NFIC: variants seen among roughly 807,000 people sequenced by gnomAD.
The protein encoded by NFIC is nuclear factor 1 C-type.
A neutral mutation model predicts 54.4 loss-of-function variants in NFIC; 12 were observed. That is an observed-to-expected ratio of 0.22 (90% CI 0.14 to 0.36). The LOEUF (loss-of-function observed/expected upper bound fraction) is 0.36, where lower values mean the gene tolerates loss of function less well. Among genes scored for constraint, NFIC ranks in the 10% least tolerant of loss-of-function variants. NFIC has a pLI of 1.00. For synonymous variants in NFIC, 322 were observed against 319.2 expected, an observed-to-expected ratio of 1.01 and a Z score of -0.09; for missense variants, 575 against 718.2, an observed-to-expected ratio of 0.80 and a Z score of 2.28.
At chr19:3,393,070 A>G (rs1040199276) in intron 2 of NFIC, among the ~76,000 whole-genome samples, 4 of 152,056 alleles carry the variant, frequency 2.6e-5, no homozygotes, top group East Asian at 1.9e-4. Context: ...CCTCCCGAGT[A>G]GCTGGGATTA....
At chr19:3,404,479 C>T (rs796631797) in intron 2 of NFIC, among the ~76,000 whole-genome samples, 19 of 152,272 alleles carry the variant, frequency 1.2e-4, no homozygotes, top group African/African-American at 4.6e-4. Context: ...CAAGGCCGCC[C>T]TGCTGTTGGC....
At chr19:3,445,181 A>G (rs888822834) in intron 6 of NFIC, among the ~76,000 whole-genome samples, 6 of 151,762 alleles carry the variant, frequency 4.0e-5, no homozygotes, top group Admixed American at 3.9e-4. Context: ...ACATGCACGC[A>G]CACACATGCA....
At chr19:3,393,177 G>A (rs903013485) in intron 2 of NFIC, among the ~76,000 whole-genome samples, 2 of 151,944 alleles carry the variant, frequency 1.3e-5, no homozygotes, top group East Asian at 3.9e-4. Context: ...CACCCACCTC[G>A]GCCTCCCGAA....
chr19:3,445,784 G>A (rs1010886615), intron 6 of NFIC, among the ~76,000 whole-genome samples: 4 of 152,162 alleles, frequency 2.6e-5, no homozygotes, highest in African/African-American at 9.7e-5. Context: ...GGAGGATGGA[G>A]GAGGTGGGGA....
chr19:3,360,749 G>T (rs1388238083), intron 1 of NFIC, among the ~76,000 whole-genome samples: 1 of 152,254 alleles, frequency 6.6e-6, no homozygotes, highest in African/African-American at 2.4e-5. Context: ...GTCCCTGCGG[G>T]ACGGTGTTGT....
intron 2 of NFIC, among the ~76,000 whole-genome samples, chr19:3,392,364 AC>A (rs1458992457): frequency 1.3e-5 from 2 of 151,988 alleles, no homozygotes; most frequent in Non-Finnish European, 2.9e-5. Flanking sequence ...GAGCCACCGC[AC>A]CCGGCCTAAA....
intron 3 of NFIC, among the ~76,000 whole-genome samples, chr19:3,430,363 T>C (rs550584676): frequency 6.6e-6 from 1 of 151,838 alleles, no homozygotes; most frequent in Admixed American, 6.6e-5. Flanking sequence ...GCTGGGATCA[T>C]AGGCACATGC....
chr19:3,415,416 C>G (rs1325385376), intron 2 of NFIC, among the ~76,000 whole-genome samples: 2 of 152,034 alleles, frequency 1.3e-5, no homozygotes, highest in Admixed American at 6.6e-5. Flanking sequence ...CTCTACTGCG[C>G]CCGGCCAAGT....
At chr19:3,372,211 G>A (rs912476550) in intron 1 of NFIC, among the ~76,000 whole-genome samples, 17 of 151,966 alleles carry the variant, frequency 1.1e-4, no homozygotes, top group Admixed American at 1.3e-4. Context: ...AGTAGAGACG[G>A]GGTTTCACCA....
chr19:3,367,742 G>T (rs2080922909), intron 1 of NFIC, among the ~76,000 whole-genome samples: 1 of 152,226 alleles, frequency 6.6e-6, no homozygotes, highest in South Asian at 2.1e-4. Flanking sequence ...GCTAAGGCCG[G>T]TTCTGGAGAG....
chr19:3,452,019 A>C lies in NFIC; in HGVS notation c.1085-463A>C, dbSNP rs1164045849. On this transcript the variant is annotated intron_variant, in intron 7 of 10. Transcript: ENST00000443272. This position sits in a 1 kb window ranked among gnomAD's most constrained non-coding sequence, Gnocchi z 5.3. ...GTAATCCCAGCTACTCGGGAGGCTG[A>C]GGCAGAATTGCTTGAACCCAGGAGG... is the stretch of plus-strand genomic sequence containing the variant. 6.8e-6 allele frequency among the ~76,000 whole-genome samples: 1 copy of C among 147,734 alleles called. No individual in the cohort carries two copies. The highest frequency in any genetic ancestry group is 2.5e-5 in the African/African-American group (1 of 39,940).
intron 1 of NFIC, among the ~76,000 whole-genome samples, chr19:3,378,972 C>T (rs147091587): frequency 2.8e-4 from 43 of 152,272 alleles, no homozygotes; most frequent in Non-Finnish European, 5.6e-4. Flanking sequence ...AACCTCCAGG[C>T]GGGCCTAGTG....
In NFIC at chr19:3,452,763, G is replaced by A; in HGVS notation, c.1269+97G>A. On this transcript the variant is annotated intron_variant, in intron 8 of 10. Coordinates refer to ENST00000443272, the MANE Select transcript of NFIC (RefSeq NM_001245002.2). This position sits in a 1 kb window ranked among gnomAD's most constrained non-coding sequence, Gnocchi z 5.3. Reference sequence around the variant, plus strand: ...ACGAAGGCACAACCTCTGCTTAAAAGGGTCTTGAGGACTTGGCTCTGAAGT... The same window carrying A: ...ACGAAGGCACAACCTCTGCTTAAAAAGGTCTTGAGGACTTGGCTCTGAAGT... 2 of 1,418,982 alleles carry A rather than the reference G, an allele frequency of 1.4e-6. No homozygotes were observed. Among genetic ancestry groups the A allele is most frequent in the South Asian group, 1.4e-5 (1 of 73,102 alleles). The allele number at this position is 1,418,982 out of a possible 1,614,324, so 87.9% of individuals were successfully genotyped here.
intron 6 of NFIC, among the ~76,000 whole-genome samples, chr19:3,439,455 C>T (rs2082258462): frequency 1.4e-5 from 2 of 145,158 alleles, no homozygotes; most frequent in African/African-American, 5.0e-5. Context: ...CCAGCCTGGC[C>T]AACAGGGTGA....
Position 3,375,558 on chromosome 19 carries a change from C to G in NFIC, c.31-6154C>G, listed in dbSNP as rs1465572487. Among the ~76,000 whole-genome samples, 1 of 152,218 alleles carries G rather than the reference C, an allele frequency of 6.6e-6. No homozygotes were observed. Among genetic ancestry groups the G allele is most frequent in the African/African-American group, 2.4e-5 (1 of 41,466 alleles). On this transcript the variant is annotated intron_variant, in intron 1 of 10. Transcript: ENST00000443272. The surrounding 1 kb of genome is among the most constrained non-coding windows in gnomAD (Gnocchi z 4.6). ...CCTCCCCTTTGCCTTAGCAGGTTGG[C>G]TGGGGAAGCGGGGGCAGCGGAAAAG... is the stretch of plus-strand genomic sequence containing the variant.
rs533706393 is a variant in NFIC at position 3,425,468 on chromosome 19, T to C, written c.634+291T>C. ...TTGTTTTGTTTTGTTTTCATTCATT[T>C]ATTTATTTTGAGATGGAGTCTCGCT... On this transcript the variant is annotated intron_variant, in intron 3 of 10. Transcript: ENST00000443272. Among the ~76,000 whole-genome samples, 8 of 152,330 alleles carry C rather than the reference T, an allele frequency of 5.3e-5. No individual in the cohort carries two copies. The South Asian group carries it at 1.5e-3, about 28-fold the overall frequency.
chr19:3,458,312 C>G lies in NFIC; in HGVS notation c.1509+1677C>G, dbSNP rs1218684256. On this transcript the variant is annotated intron_variant, in intron 10 of 10. Coordinates refer to ENST00000443272, the MANE Select transcript of NFIC (RefSeq NM_001245002.2). This position sits in a 1 kb window ranked among gnomAD's most constrained non-coding sequence, Gnocchi z 4.1. The stretch of plus-strand genomic sequence containing the variant: ...TCTGCCACCCCCACCCCACATCGCT[C>G]CCTGCCCCTGCGGGAGGCTGGGAAC... Among the ~76,000 whole-genome samples the G allele has an allele frequency of 2.0e-5, 3 of 152,196 alleles. No homozygotes were observed. Among genetic ancestry groups the G allele is most frequent in the Non-Finnish European group, 4.4e-5 (3 of 68,028 alleles).
chr19:3,452,458 C>T lies in NFIC; in HGVS notation c.1085-24C>T, dbSNP rs1414374614. On this transcript the variant is annotated intron_variant, in intron 7 of 10. Coordinates refer to ENST00000443272, the MANE Select transcript of NFIC (RefSeq NM_001245002.2). The surrounding 1 kb of genome is among the most constrained non-coding windows in gnomAD (Gnocchi z 5.3). The stretch of plus-strand genomic sequence containing the variant: ...AGACCGGCTGGAGCCCCCAAGTAAC[C>T]CCCGCTTCCCACTGTCTCCGCAGGG... 6.2e-7 allele frequency: 1 copy of T among 1,608,180 alleles called. No individual in the cohort carries two copies. Among genetic ancestry groups the T allele is most frequent in the Admixed American group, 1.7e-5 (1 of 59,910 alleles).
At chr19:3,430,013 C>CGGTCA (rs2082096584) in intron 3 of NFIC, among the ~76,000 whole-genome samples, 1 of 152,140 alleles carries the variant, frequency 6.6e-6, no homozygotes, top group South Asian at 2.1e-4. Flanking sequence ...GCCACCATCT[C>CGGTCA]GGTCAGGCTT....
Sources: gnomAD v4.1 joint callset for allele counts (sites outside exome capture counted in the v4.1 genomes callset) on GRCh38, gnomAD v4.1.1 for gene constraint, Gnocchi (gnomAD v3.1) non-coding constraint, MANE v1.5 for transcripts, NCBI Gene and HGNC (gene_info 2026-07-23, HGNC 2026-07-21) for gene names.